The following TUT4 variants were observed in gnomAD, a reference collection of about 807,000 sequenced individuals.
The protein encoded by TUT4 is terminal uridylyl transferase 4.
TUT4 carries 36 observed loss-of-function variants against 192.2 expected under a neutral mutation model. That is an observed-to-expected ratio of 0.19 (90% CI 0.14 to 0.25). The LOEUF is 0.25. Ranked by LOEUF, TUT4 falls within the 10% of genes least tolerant of loss-of-function variation. The pLI is 1.00. For missense variants in TUT4, 1,493 were observed against 1,957.2 expected (o/e 0.76, Z 4.47); for synonymous variants, 618 against 666.0 (o/e 0.93, Z 1.11).
rs770778685 is a variant in TUT4 at position 52,472,106 on chromosome 1, C to A, written c.2728-4G>T. The A allele has an allele frequency of 1.2e-6, 2 of 1,611,288 alleles. No homozygotes were observed. The highest frequency in any genetic ancestry group is 1.7e-6 in the Non-Finnish European group (2 of 1,178,986). On this transcript the variant is annotated splice_region_variant and splice_polypyrimidine_tract_variant and intron_variant, in intron 13 of 29. Transcript: ENST00000257177. ...TGCTGCATACTATCGTTGGTGGCTACACAAAGATAAAAAGAAATCTAATCT... is the reference window on the plus strand; with the variant it reads ...TGCTGCATACTATCGTTGGTGGCTAAACAAAGATAAAAAGAAATCTAATCT...
At chr1:52,502,004 A>C (rs545294003) in intron 4 of TUT4, among the ~76,000 whole-genome samples, 24 of 152,188 alleles carry the variant, frequency 1.6e-4, no homozygotes, top group African/African-American at 5.3e-4. Flanking sequence ...TAGAATGATG[A>C]AAAAGTTCTG....
rs2148691550 is a variant in TUT4 at position 52,461,218 on chromosome 1, T to C, written c.3237A>G (p.Gln1079=). The change falls in exon 19 of 30, where the codon CAA becomes CAG. Residue 1079 remains glutamine (Q), a synonymous_variant. Coordinates refer to ENST00000257177, the MANE Select transcript of TUT4 (RefSeq NM_001009881.3). ...GDISLYNTLA[Q]HNTRMLATYA... ...AAGTAGCTAGCATTCTTGTGTTATG[T>C]TGAGCCTGAAAAATAATTACATATT... 3 of 1,603,408 alleles carry C rather than the reference T, an allele frequency of 1.9e-6. No individual in the cohort carries two copies. The highest frequency in any genetic ancestry group is 4.5e-5 in the East Asian group (2 of 44,716).
chr1:52,482,102 TTTCA>T (rs1353109864), intron 9 of TUT4, among the ~76,000 whole-genome samples, 179 bp from the exon 10 acceptor site: 21 of 152,226 alleles, frequency 1.4e-4, no homozygotes, highest in Non-Finnish European at 2.1e-4. Context: ...TGATCATTTT[TTTCA>T]TTCTTTTTAA....
chr1:52,528,199 T>A (rs1241505814), intron 1 of TUT4, among the ~76,000 whole-genome samples: 10 of 147,668 alleles, frequency 6.8e-5, no homozygotes, highest in African/African-American at 2.0e-4. Context: ...ATAATAATAA[T>A]AATAATAATG....
In TUT4 at chr1:52,553,054, G is replaced by C. The variant is rs1053535459; in HGVS notation, c.-217C>G. The C allele has an allele frequency of 1.3e-5, 2 of 155,250 alleles. No homozygotes were observed. Among genetic ancestry groups the C allele is most frequent in the Admixed American group, 1.3e-4 (2 of 15,146 alleles). 9.6% of individuals were successfully genotyped at this position (155,250 alleles called of 1,614,324 possible). A position where few individuals can be genotyped will look rare whatever the true frequency, so the allele number is the denominator to read the frequency against. ...GCCGCTGGAGGCCGGGACACGACTA[G>C]CTCAGGACTCCACCGCCATGTCCGC... On this transcript the variant is annotated 5_prime_UTR_variant, in exon 1 of 30. Coordinates refer to ENST00000257177, the MANE Select transcript of TUT4 (RefSeq NM_001009881.3).
At chr1:52,544,391 T>C (rs996624051) in intron 1 of TUT4, among the ~76,000 whole-genome samples, 24 of 151,726 alleles carry the variant, frequency 1.6e-4, no homozygotes, top group African/African-American at 5.6e-4. Context: ...CCCTCACATA[T>C]GTGGTCAAAT....
At chr1:52,459,823 A>T (rs1317189427) in intron 19 of TUT4, among the ~76,000 whole-genome samples, 1 of 151,754 alleles carries the variant, frequency 6.6e-6, no homozygotes, top group Non-Finnish European at 1.5e-5. Flanking sequence ...TGGAGGTTGC[A>T]GTGAGCCGAG....
intron 20 of TUT4, among the ~76,000 whole-genome samples, chr1:52,454,757 C>G (rs1179884899): frequency 6.6e-6 from 1 of 152,068 alleles, no homozygotes; most frequent in Non-Finnish European, 1.5e-5. Flanking sequence ...CTGCAAAAGA[C>G]AACGTCAAGG....
At chr1:52,537,962 A>G (rs1160521126) in intron 1 of TUT4, among the ~76,000 whole-genome samples, 4 of 151,834 alleles carry the variant, frequency 2.6e-5, no homozygotes, top group Non-Finnish European at 5.9e-5. Flanking sequence ...CTGGCTGGGC[A>G]TGGCGGCTCA....
intron 3 of TUT4, among the ~76,000 whole-genome samples, chr1:52,513,529 G>A (rs1317155131): frequency 6.6e-6 from 1 of 150,892 alleles, no homozygotes; most frequent in Non-Finnish European, 1.5e-5. Context: ...AAAGAAAAGG[G>A]ATTACAAATA....
chr1:52,441,491 C>T (rs1287924319), intron 24 of TUT4, among the ~76,000 whole-genome samples: 5 of 117,800 alleles, frequency 4.2e-5, no homozygotes, highest in East Asian at 2.4e-4. Context: ...GATGGGGTTT[C>T]ACCACGTTGA....
rs370775811 is a variant in TUT4, at chr1:52,493,813, G to GT, written c.1267-152dup. 8.2e-3 allele frequency: 4,548 copies of GT among 552,320 alleles called. 95 individuals carry two copies. Among genetic ancestry groups the GT allele is most frequent in the African/African-American group, 0.062 (2,989 of 48,532 alleles). The allele number at this position is 552,320 out of a possible 1,614,324, so 34.2% of individuals were successfully genotyped here. A position where few individuals can be genotyped will look rare whatever the true frequency, so the allele number is the denominator to read the frequency against. On this transcript the variant is annotated intron_variant, in intron 6 of 29. Coordinates refer to ENST00000257177, the MANE Select transcript of TUT4 (RefSeq NM_001009881.3). Reference sequence around the variant, plus strand: ...GAAAACAGAATCGTGTTTTTTTTTTGTTTTTTTTTGAGATGAGGTTTCCCT... The same window carrying GT: ...GAAAACAGAATCGTGTTTTTTTTTTGTTTTTTTTTTGAGATGAGGTTTCCCT...
chr1:52,442,019 T>C (rs768853956), intron 24 of TUT4, among the ~76,000 whole-genome samples: 2 of 151,686 alleles, frequency 1.3e-5, no homozygotes, highest in African/African-American at 4.8e-5. Context: ...AATACAAAAA[T>C]TATCTGGGCA....
At chr1:52,441,746 C>A (rs1263783593) in intron 24 of TUT4, among the ~76,000 whole-genome samples, 1 of 152,104 alleles carries the variant, frequency 6.6e-6, no homozygotes, top group African/African-American at 2.4e-5. Flanking sequence ...TTAAAATTGT[C>A]TAGCTTTTTT....
At chr1:52,478,125 G>A (rs911778890) in intron 11 of TUT4, among the ~76,000 whole-genome samples, 11 of 152,248 alleles carry the variant, frequency 7.2e-5, no homozygotes, top group African/African-American at 2.6e-4. Flanking sequence ...TTAGAATCAT[G>A]TGGAGAGCAG....
chr1:52,427,296 C>T (rs983370809), intron 28 of TUT4, among the ~76,000 whole-genome samples: 1 of 151,936 alleles, frequency 6.6e-6, no homozygotes, highest in Non-Finnish European at 1.5e-5. Context: ...TTTGAGGCAG[C>T]ACAGAAGAAG....
At chr1:52,500,975 C>T (rs899188573) in intron 4 of TUT4, among the ~76,000 whole-genome samples, 3 of 151,894 alleles carry the variant, frequency 2.0e-5, no homozygotes, top group South Asian at 2.1e-4. Flanking sequence ...GCTATAAAAC[C>T]GTAACTAAGA....
At chr1:52,434,041 T>C (rs1652965635) in intron 27 of TUT4, 1 of 152,230 alleles carries the variant, frequency 6.6e-6, no homozygotes, top group Non-Finnish European at 1.5e-5. Context: ...TCTGTACTTT[T>C]GAAATATTTT....
chr1:52,545,966 CAAAAAA>C (rs71041901), intron 1 of TUT4, among the ~76,000 whole-genome samples: 14 of 72,372 alleles, frequency 1.9e-4, no homozygotes, highest in African/African-American at 5.4e-4. Context: ...TACAAAAATA[CAAAAAA>C]AAAAAAAAAA....
Sources: gnomAD v4.1 joint callset for allele counts (sites outside exome capture counted in the v4.1 genomes callset) on GRCh38, gnomAD v4.1.1 for gene constraint, MANE v1.5 for transcripts, NCBI Gene and HGNC (gene_info 2026-07-23, HGNC 2026-07-21) for gene names.